Variants in CSMD1 observed in about 807,000 individuals in gnomAD.
CSMD1 encodes CUB and sushi domain-containing protein 1.
Under a neutral mutation model 417.5 loss-of-function variants are expected in CSMD1, and 213 were observed. The observed-to-expected ratio is 0.51, with a 90% CI of 0.46 to 0.57. The LOEUF is 0.57. CSMD1 is among the 20% of genes least tolerant of loss of function. The probability of loss-of-function intolerance (pLI) is 0.00; values close to 1 mark genes in which losing one functional copy is unlikely to be tolerated. For synonymous variants in CSMD1, 2,862 were observed against 1,736.8 expected, an observed-to-expected ratio of 1.65 and a Z score of -16.11; for missense variants, 6,923 against 4,529.7, an observed-to-expected ratio of 1.53 and a Z score of -15.17.
At chr8:4,674,120 G>T (rs1236548987) in intron 1 of CSMD1, among the ~76,000 whole-genome samples, 2 of 152,094 alleles carry the variant, frequency 1.3e-5, no homozygotes, top group Admixed American at 1.3e-4. Flanking sequence ...TCAAACATTG[G>T]CCATCTCACA....
chr8:3,308,106 T>G (rs1439511574), intron 24 of CSMD1, among the ~76,000 whole-genome samples: 2 of 151,784 alleles, frequency 1.3e-5, no homozygotes, highest in Non-Finnish European at 2.9e-5. Flanking sequence ...GTACCTATAG[T>G]CTCCATAACA....
At chr8:3,523,756 C>T (rs569663848) in intron 10 of CSMD1, among the ~76,000 whole-genome samples, 1 of 151,432 alleles carries the variant, frequency 6.6e-6, no homozygotes, top group South Asian at 2.1e-4. Context: ...TACACATGCA[C>T]ACACACATGC....
rs935777147 is a variant in CSMD1, at chr8:3,683,314, A to G, written c.1009+25100T>C. Among the ~76,000 whole-genome samples, 9 of 152,308 alleles carry G rather than the reference A, an allele frequency of 5.9e-5. No homozygotes were observed. In the South Asian group the frequency reaches 1.9e-3, roughly 32 times the overall value. On this transcript the variant is annotated intron_variant, in intron 7 of 69. Coordinates refer to ENST00000635120, the MANE Select transcript of CSMD1 (RefSeq NM_033225.6). ...AGAATATGGATGGATCAGTCAAGGC[A>G]AAGTTCTTTCATTGTGTTCTCTTAT...
chr8:3,522,831 T>C (rs541076873), intron 10 of CSMD1, among the ~76,000 whole-genome samples: 1 of 150,990 alleles, frequency 6.6e-6, no homozygotes, highest in Non-Finnish European at 1.5e-5. Flanking sequence ...ATTTGACATA[T>C]AATTTGTTAG....
At chr8:4,713,624 A>C (rs1808455422) in intron 1 of CSMD1, among the ~76,000 whole-genome samples, 1 of 151,984 alleles carries the variant, frequency 6.6e-6, no homozygotes, top group African/African-American at 2.4e-5. Flanking sequence ...TAAAGTTCTC[A>C]CATAACAATA....
intron 1 of CSMD1, among the ~76,000 whole-genome samples, chr8:4,648,332 A>G (rs1162705666): frequency 6.6e-6 from 1 of 152,124 alleles, no homozygotes; most frequent in Non-Finnish European, 1.5e-5. Flanking sequence ...TGAGTCACTT[A>G]GGATATAATG....
intron 3 of CSMD1, among the ~76,000 whole-genome samples, chr8:4,230,820 G>C (rs1023203820): frequency 6.6e-6 from 1 of 151,932 alleles, no homozygotes; most frequent in Admixed American, 6.6e-5. Flanking sequence ...CTTTTGCAGT[G>C]TCACAATGTA....
intron 5 of CSMD1, among the ~76,000 whole-genome samples, chr8:3,916,436 C>G (rs1162057836): frequency 1.3e-5 from 2 of 152,276 alleles, no homozygotes; most frequent in East Asian, 1.9e-4. Flanking sequence ...TGACAAAACA[C>G]TTATATGAAC....
intron 1 of CSMD1, among the ~76,000 whole-genome samples, chr8:4,973,267 C>A (rs564763882): frequency 9.2e-5 from 14 of 152,124 alleles, no homozygotes; most frequent in Non-Finnish European, 1.9e-4. Flanking sequence ...AGGGCAGGGA[C>A]TTTATCTCAT....
intron 3 of CSMD1, among the ~76,000 whole-genome samples, chr8:4,370,121 C>G (rs1160998779): frequency 1.3e-5 from 2 of 151,672 alleles, no homozygotes; most frequent in Non-Finnish European, 2.9e-5. Context: ...TTTAGATAGT[C>G]TGGTAAGGCA....
intron 3 of CSMD1, among the ~76,000 whole-genome samples, chr8:4,271,370 A>C (rs62481987): frequency 0.091 from 13,832 of 152,110 alleles, 749 homozygotes; most frequent in Non-Finnish European, 0.13. Flanking sequence ...TGTCAAAATA[A>C]ATAAATAAAA....
At chr8:3,391,334 A>G (rs1811335889) in intron 17 of CSMD1, among the ~76,000 whole-genome samples, 1 of 152,230 alleles carries the variant, frequency 6.6e-6, no homozygotes, top group Non-Finnish European at 1.5e-5. Context: ...TTAACAAGAT[A>G]CTTTTGACAG....
chr8:3,478,013 T>A (rs559463901), intron 11 of CSMD1, among the ~76,000 whole-genome samples: 1 of 152,216 alleles, frequency 6.6e-6, no homozygotes, highest in Admixed American at 6.5e-5. Flanking sequence ...AAACTGAAGA[T>A]AATTCATACA....
intron 2 of CSMD1, among the ~76,000 whole-genome samples, chr8:4,429,479 C>G (rs1041089588): frequency 4.0e-5 from 6 of 150,982 alleles, no homozygotes; most frequent in South Asian, 2.1e-4. Context: ...CTCCTCCTGT[C>G]AATTGGGAAA....
chr8:3,581,947 G>A (rs1405715510), intron 9 of CSMD1, among the ~76,000 whole-genome samples: 3 of 152,138 alleles, frequency 2.0e-5, no homozygotes, highest in African/African-American at 7.2e-5. Context: ...TGGGATTATA[G>A]GCATGCACCA....
chr8:3,317,773 AATT>A (rs1325302741), intron 23 of CSMD1, among the ~76,000 whole-genome samples: 1 of 152,124 alleles, frequency 6.6e-6, no homozygotes, highest in Non-Finnish European at 1.5e-5. Flanking sequence ...TGTTTAGTAA[AATT>A]TCATGTAAAA....
At chr8:4,394,362 T>G (rs1804062641) in intron 3 of CSMD1, among the ~76,000 whole-genome samples, 1 of 152,220 alleles carries the variant, frequency 6.6e-6, no homozygotes, top group Non-Finnish European at 1.5e-5. Context: ...CTAAATGTCC[T>G]GTTTCCATCA....
At chr8:3,221,317 G>T (rs146826960) in intron 28 of CSMD1, among the ~76,000 whole-genome samples, 1 of 152,150 alleles carries the variant, frequency 6.6e-6, no homozygotes, top group Non-Finnish European at 1.5e-5. Context: ...CTGACGTCAG[G>T]AATGAAGAAG....
intron 1 of CSMD1, among the ~76,000 whole-genome samples, chr8:4,971,667 T>C (rs1346291793): frequency 6.9e-6 from 1 of 144,692 alleles, no homozygotes; most frequent in Non-Finnish European, 1.5e-5. Flanking sequence ...CTTGCACACA[T>C]ATGACTGAGA....
Sources: allele counts gnomAD v4.1 joint callset (sites outside exome capture counted in the v4.1 genomes callset), GRCh38; gene constraint gnomAD v4.1.1; transcripts MANE v1.5; gene names NCBI Gene and HGNC (gene_info 2026-07-23, HGNC 2026-07-21).